Variants in ABCA13 observed in about 807,000 individuals in gnomAD.
The protein encoded by ABCA13 is ATP-binding cassette sub-family A member 13.
Under a neutral mutation model 478.7 loss-of-function variants are expected in ABCA13, and 476 were observed. The observed-to-expected ratio is 0.99, with a 90% CI of 0.92 to 1.07. The LOEUF (loss-of-function observed/expected upper bound fraction) is 1.07. ABCA13 is among the 50% of genes least tolerant of loss of function. ABCA13 has a pLI of 0.00. For synonymous variants in ABCA13, 2,252 were observed against 2,158.9 expected, an observed-to-expected ratio of 1.04 and a Z score of -1.20; for missense variants, 6,060 against 5,910.6, an observed-to-expected ratio of 1.03 and a Z score of -0.83.
At chr7:48,277,521 A>G (rs1455641052) in intron 17 of ABCA13, among the ~76,000 whole-genome samples, 1 of 152,220 alleles carries the variant, frequency 6.6e-6, no homozygotes, top group African/African-American at 2.4e-5. Context: ...GTTCGATTGA[A>G]TAGCTGGGAG....
At chr7:48,360,700 A>G (rs968777012) in intron 31 of ABCA13, among the ~76,000 whole-genome samples, 74 of 152,004 alleles carry the variant, frequency 4.9e-4, no homozygotes, top group Non-Finnish European at 7.4e-5. Flanking sequence ...CATGTTTTAC[A>G]AACTAGAAAT....
At chr7:48,327,385 C>G (rs527724864) in intron 27 of ABCA13, among the ~76,000 whole-genome samples, 1 of 152,166 alleles carries the variant, frequency 6.6e-6, no homozygotes, top group African/African-American at 2.4e-5. Context: ...CCATGTTCCT[C>G]TCATGACACG....
At chr7:48,258,754 T>C (rs1311101593) in intron 15 of ABCA13, among the ~76,000 whole-genome samples, 1 of 152,186 alleles carries the variant, frequency 6.6e-6, no homozygotes, top group Admixed American at 6.5e-5. Context: ...TGTTTAGTGC[T>C]ATAAACTTCC....
At chr7:48,411,008 TTTCTTTCTTTC>T (rs1226061869) in intron 40 of ABCA13, among the ~76,000 whole-genome samples, 7 of 113,072 alleles carry the variant, frequency 6.2e-5, no homozygotes, top group African/African-American at 2.2e-4. Context: ...TCTTTCTTTC[TTTCTTTCTTTC>T]TTTCTTTCTT....
intron 43 of ABCA13, among the ~76,000 whole-genome samples, chr7:48,461,232 C>T (rs1055564774): frequency 3.9e-5 from 6 of 152,158 alleles, no homozygotes; most frequent in African/African-American, 1.4e-4. Context: ...TTTTTTCTGG[C>T]AGAATAACAT....
intron 3 of ABCA13, among the ~76,000 whole-genome samples, chr7:48,198,928 GAGA>G (rs1181982613): frequency 6.6e-6 from 1 of 152,182 alleles, no homozygotes; most frequent in Non-Finnish European, 1.5e-5. Context: ...AGAAGAGAAG[GAGA>G]AGAAGATATT....
rs1356587782 is a variant in ABCA13 at position 48,221,281 on chromosome 7, A to C, written c.440A>C (p.Asp147Ala). ...ATCTCTTAAACCTTCTTTATTATAG[A>C]TTCTTCTTATGGTTCCAGTTTTTTT... is the stretch of plus-strand genomic sequence containing the variant. ...RLWVERSNTP[D>A]SSYGSSFFTM... The change falls in exon 5 of 62, where the codon GAT becomes GCT. Residue 147 changes from aspartate (D) to alanine (A), a missense_variant and splice_region_variant. Around this residue, in one of 3 missense-constraint regions of ABCA13, gnomAD observed 4,423 missense variants for 4,309.1 expected, o/e 1.03. Transcript: ENST00000435803. 2 of 1,165,334 alleles carry C rather than the reference A, an allele frequency of 1.7e-6. No individual in the cohort carries two copies. The highest frequency in any genetic ancestry group is 2.7e-5 in the East Asian group (1 of 37,662). The allele number at this position is 1,165,334 out of a possible 1,614,324, so 72.2% of individuals were successfully genotyped here.
intron 55 of ABCA13, among the ~76,000 whole-genome samples, chr7:48,529,138 G>A (rs2131037160): frequency 6.6e-6 from 1 of 152,236 alleles, no homozygotes; most frequent in East Asian, 1.9e-4. Context: ...CTCTGATCAG[G>A]ACTAATGTTA....
intron 55 of ABCA13, among the ~76,000 whole-genome samples, chr7:48,563,127 G>C (rs953357170): frequency 6.6e-6 from 1 of 152,058 alleles, no homozygotes; most frequent in East Asian, 1.9e-4. Context: ...CTATAAAAAG[G>C]TACAGTCAAG....
rs1316883836 is a variant in ABCA13 at position 48,278,654 on chromosome 7, A to G, written c.7460A>G (p.Glu2487Gly). ...GTTGGTGCTATTTCAAGAGCAAGTG[A>G]AGAAAGTCACGTCCTGAAACCCCTC... ...RLVGAISRAS[E>G]ESHVLKPLLE... is the part of the protein sequence containing the mutation. The change falls in exon 18 of 62, where the codon GAA becomes GGA. Residue 2487 changes from glutamate (E) to glycine (G), a missense_variant. Glu to Gly is a moderately conservative substitution (Grantham distance 98, BLOSUM62 -2). Around this residue, in one of 3 missense-constraint regions of ABCA13, gnomAD observed 4,423 missense variants for 4,309.1 expected, o/e 1.03. Coordinates refer to ENST00000435803, the MANE Select transcript of ABCA13 (RefSeq NM_152701.5). 3 of 1,613,608 alleles carry G rather than the reference A, an allele frequency of 1.9e-6. No homozygotes were observed. Among genetic ancestry groups the G allele is most frequent in the Non-Finnish European group, 1.7e-6 (2 of 1,179,522 alleles).
intron 55 of ABCA13, among the ~76,000 whole-genome samples, chr7:48,564,245 T>C (rs1786786885): frequency 6.6e-6 from 1 of 151,340 alleles, no homozygotes. Flanking sequence ...ATCTGTAAAA[T>C]AATAATAACC....
At chr7:48,346,066 T>C (rs139842825) in intron 29 of ABCA13, among the ~76,000 whole-genome samples, 148 of 152,346 alleles carry the variant, frequency 9.7e-4, no homozygotes, top group African/African-American at 3.4e-3. Context: ...GGCTATGCTA[T>C]ACAGCTAGGT....
chr7:48,446,476 CTT>C (rs1320328685), intron 42 of ABCA13, among the ~76,000 whole-genome samples: 1 of 151,774 alleles, frequency 6.6e-6, no homozygotes, highest in Non-Finnish European at 1.5e-5. Flanking sequence ...GCCACTACCA[CTT>C]TACATACAGT....
chr7:48,212,984 G>A (rs1007197671), intron 3 of ABCA13, among the ~76,000 whole-genome samples: 2 of 151,976 alleles, frequency 1.3e-5, no homozygotes, highest in Non-Finnish European at 2.9e-5. Flanking sequence ...CTTTAACAAA[G>A]AAATATTTGC....
At chr7:48,313,958 T>C (rs1016061656) in intron 25 of ABCA13, among the ~76,000 whole-genome samples, 4 of 147,260 alleles carry the variant, frequency 2.7e-5, no homozygotes, top group African/African-American at 1.0e-4. Flanking sequence ...GGACAAATAG[T>C]GTAAGGACTT....
chr7:48,199,841 A>G (rs1233020889), intron 3 of ABCA13, among the ~76,000 whole-genome samples: 2 of 152,144 alleles, frequency 1.3e-5, no homozygotes, highest in Non-Finnish European at 2.9e-5. Context: ...ATGATGTTGA[A>G]GTGGGAAGAA....
chr7:48,201,887 C>T (rs185448889), intron 3 of ABCA13, among the ~76,000 whole-genome samples: 16 of 152,110 alleles, frequency 1.1e-4, no homozygotes, highest in East Asian at 1.9e-4. Flanking sequence ...TTCTGATGTT[C>T]GGACGTGTCC....
intron 35 of ABCA13, among the ~76,000 whole-genome samples, chr7:48,386,369 A>C (rs1252592497): frequency 6.6e-6 from 1 of 152,262 alleles, no homozygotes; most frequent in Admixed American, 6.5e-5. Context: ...TATTCTTCAC[A>C]GAACTAGAAA....
At chr7:48,363,845 G>C (rs565674287) in intron 31 of ABCA13, among the ~76,000 whole-genome samples, 2 of 151,954 alleles carry the variant, frequency 1.3e-5, no homozygotes, top group East Asian at 1.9e-4. Context: ...GTGCTGTGTG[G>C]TGTTTCTTAT....
Sources: allele counts gnomAD v4.1 joint callset (sites outside exome capture counted in the v4.1 genomes callset), GRCh38; gene constraint gnomAD v4.1.1; regional missense constraint gnomAD v4.1.1; transcripts MANE v1.5; gene names NCBI Gene and HGNC (gene_info 2026-07-23, HGNC 2026-07-21).